The following ARHGAP25 variants were observed in gnomAD, a reference collection of about 807,000 sequenced individuals.
ARHGAP25 encodes Rho GTPase activating protein 25, also known as rho GTPase-activating protein 25.
In ARHGAP25, 34 loss-of-function variants were observed where a neutral mutation model predicts 71.0. That is an observed-to-expected ratio of 0.48 (90% CI 0.36 to 0.64). The LOEUF is 0.64. Among genes scored for constraint, ARHGAP25 ranks in the 30% least tolerant of loss-of-function variants. ARHGAP25 has a pLI of 0.00. For missense variants in ARHGAP25, 706 were observed against 805.1 expected (o/e 0.88, Z 1.49); for synonymous variants, 282 against 296.5 (o/e 0.95, Z 0.50).
rs577937571 is a variant in ARHGAP25 at position 68,739,441 on chromosome 2, T to G, written c.61+4181T>G. On this transcript the variant is annotated intron_variant, in intron 1 of 10. Coordinates refer to ENST00000409202, the MANE Select transcript of ARHGAP25 (RefSeq NM_001007231.3). ...TCCAATGGGAGAACTCTGTGGAGAC[T>G]CCACCAGCTGGAATGTGATCCTTTT... Among the ~76,000 whole-genome samples the G allele has an allele frequency of 3.9e-5, 6 of 152,292 alleles. No individual in the cohort carries two copies. The South Asian group carries it at 1.0e-3, about 26-fold the overall frequency.
intron 2 of ARHGAP25, among the ~76,000 whole-genome samples, chr2:68,721,539 A>G (rs1674761565): frequency 1.3e-5 from 2 of 152,254 alleles, no homozygotes; most frequent in Non-Finnish European, 2.9e-5. Flanking sequence ...CTCAGTTTAC[A>G]TTAAAGTTAC....
chr2:68,756,618 A>G (rs2104330534), intron 1 of ARHGAP25, among the ~76,000 whole-genome samples: 1 of 152,264 alleles, frequency 6.6e-6, no homozygotes, highest in East Asian at 1.9e-4. Flanking sequence ...TTAAGTGTGC[A>G]GTTCAGGCTG....
chr2:68,758,575 T>C (rs1474440212), intron 1 of ARHGAP25, among the ~76,000 whole-genome samples: 1 of 151,712 alleles, frequency 6.6e-6, no homozygotes, highest in Non-Finnish European at 1.5e-5. Context: ...TAATAAACAT[T>C]TACACATCAA....
intron 5 of ARHGAP25, among the ~76,000 whole-genome samples, chr2:68,809,730 C>G (rs909226869): frequency 6.6e-6 from 1 of 152,110 alleles, no homozygotes; most frequent in Non-Finnish European, 1.5e-5. Context: ...TTGCTGTCCC[C>G]AACTTCACGG....
At chr2:68,712,961 C>A (rs1314213009) in intron 2 of ARHGAP25, among the ~76,000 whole-genome samples, 1 of 152,134 alleles carries the variant, frequency 6.6e-6, no homozygotes, top group Non-Finnish European at 1.5e-5. Flanking sequence ...CAGCTTTGTT[C>A]TTTTGGCTTA....
intron 1 of ARHGAP25, among the ~76,000 whole-genome samples, chr2:68,738,771 C>G (rs113053614): frequency 6.7e-6 from 1 of 149,560 alleles, no homozygotes; most frequent in East Asian, 2.0e-4. Flanking sequence ...TAGTGAGCCA[C>G]GATCATGCCA....
intron 2 of ARHGAP25, among the ~76,000 whole-genome samples, chr2:68,779,884 C>G (rs1212800714): frequency 6.6e-6 from 1 of 152,232 alleles, no homozygotes; most frequent in Non-Finnish European, 1.5e-5. Context: ...AAGTTCAAGC[C>G]TCTCATGCTG....
Position 68,749,503 on chromosome 2 carries a change from G to A in ARHGAP25, c.61+14243G>A, listed in dbSNP as rs550710176. ...ACTGTAAGCCTCTTAACCATTTCCC[G>A]TCTTGCAGTTTTCATGGCCTTTAAT... On this transcript the variant is annotated intron_variant, in intron 1 of 10. Coordinates refer to ENST00000409202, the MANE Select transcript of ARHGAP25 (RefSeq NM_001007231.3). Among the ~76,000 whole-genome samples, 55 of 152,120 alleles carry A rather than the reference G, an allele frequency of 3.6e-4. 2 individuals carry two copies. The South Asian group carries it at 9.1e-3, about 25-fold the overall frequency.
At chr2:68,790,539 G>A (rs1679097889) in intron 4 of ARHGAP25, among the ~76,000 whole-genome samples, 1 of 152,178 alleles carries the variant, frequency 6.6e-6, no homozygotes, top group African/African-American at 2.4e-5. Context: ...TTGACTAGAT[G>A]GGAAAGACAT....
intron 2 of ARHGAP25, among the ~76,000 whole-genome samples, chr2:68,715,292 C>G (rs935914679): frequency 2.6e-5 from 4 of 152,156 alleles, no homozygotes; most frequent in Non-Finnish European, 5.9e-5. Flanking sequence ...TTGGAGGTGG[C>G]GCCCAGCAAC....
intron 5 of ARHGAP25, among the ~76,000 whole-genome samples, chr2:68,810,948 G>C (rs1345967300): frequency 2.6e-5 from 4 of 152,008 alleles, no homozygotes; most frequent in Non-Finnish European, 4.4e-5. Context: ...TGTCCTGTTG[G>C]CTAGGCTGGT....
At position 68,802,407 on chromosome 2, in the gene ARHGAP25, C is replaced by CAAAA. The variant is rs10688959; in HGVS notation, c.467-4847_467-4844dup. Among the ~76,000 whole-genome samples, 99 of 81,962 alleles carry CAAAA rather than the reference C, an allele frequency of 1.2e-3. 1 individual carries two copies. The highest frequency in any genetic ancestry group is 2.1e-3 in the East Asian group (6 of 2,906). 53.8% of individuals were successfully genotyped at this position (81,962 alleles called of 152,430 possible). A position where few individuals can be genotyped will look rare whatever the true frequency, so the allele number is the denominator to read the frequency against. On this transcript the variant is annotated intron_variant, in intron 4 of 10. Coordinates refer to ENST00000409202, the MANE Select transcript of ARHGAP25 (RefSeq NM_001007231.3). ...TGGATGACAAAGCAAGACTCCATCT[C>CAAAA]AAAAAAAAAAAAAAAAAAAAAAGAA...
chr2:68,746,574 G>A (rs1166896145), intron 1 of ARHGAP25, among the ~76,000 whole-genome samples: 2 of 152,190 alleles, frequency 1.3e-5, no homozygotes, highest in Non-Finnish European at 2.9e-5. Context: ...ATTGCAGAGA[G>A]GCCCAGAACA....
intron 6 of ARHGAP25, among the ~76,000 whole-genome samples, chr2:68,813,797 G>A (rs548309394): frequency 7.2e-5 from 11 of 152,300 alleles, no homozygotes; most frequent in African/African-American, 2.4e-4. Flanking sequence ...AGCTGTGAGT[G>A]TCAGGCGTGG....
At chr2:68,732,101 C>T (rs879923794), upstream of ARHGAP25, among the ~76,000 whole-genome samples, 1 of 152,196 alleles carries the variant, frequency 6.6e-6, no homozygotes, top group African/African-American at 2.4e-5. Context: ...CCAGGCAAGG[C>T]ATTTGGCTCT....
chr2:68,777,900 A>G (rs1210569904), intron 2 of ARHGAP25, among the ~76,000 whole-genome samples: 1 of 152,140 alleles, frequency 6.6e-6, no homozygotes, highest in Admixed American at 6.5e-5. Context: ...TTCCCTATAC[A>G]TATGTATTTA....
chr2:68,770,188 G>T (rs974959840), intron 1 of ARHGAP25, among the ~76,000 whole-genome samples: 11 of 152,094 alleles, frequency 7.2e-5, no homozygotes, highest in Non-Finnish European at 1.3e-4. Context: ...AGGTGAGAAG[G>T]GGAAAGGTGG....
intron 5 of ARHGAP25, among the ~76,000 whole-genome samples, chr2:68,807,868 T>A (rs553749285): frequency 6.6e-6 from 1 of 152,238 alleles, no homozygotes; most frequent in East Asian, 1.9e-4. Context: ...TAGTGGAGAA[T>A]GCACCAGATC....
At position 68,822,585 on chromosome 2, in the gene ARHGAP25, G is replaced by T; in HGVS notation, c.1446G>T (p.Gly482=). Residue 482 remains glycine, a synonymous_variant, in exon 10 of 11, where the codon GGG becomes GGT. Transcript: ENST00000409202. ...SPSSEAKAGE[G]HRRTMSQDLR... ...CCTCAGAGGCTAAGGCAGGGGAAGG[G>T]CACAGGAGAACGATGTCTCAAGACT... is the stretch of plus-strand genomic sequence containing the variant. 6.2e-7 allele frequency: 1 copy of T among 1,614,156 alleles called. No homozygotes were observed. The highest frequency in any genetic ancestry group is 8.5e-7 in the Non-Finnish European group (1 of 1,180,038).
Sources: allele counts gnomAD v4.1 joint callset (sites outside exome capture counted in the v4.1 genomes callset), GRCh38; gene constraint gnomAD v4.1.1; transcripts MANE v1.5; gene names NCBI Gene and HGNC (gene_info 2026-07-23, HGNC 2026-07-21).